The following ZPLD1 variants were observed in gnomAD, a reference collection of about 807,000 sequenced individuals.
The protein encoded by ZPLD1 is zona pellucida like domain containing 1.
ZPLD1 carries 34 observed loss-of-function variants against 47.2 expected under a neutral mutation model. The observed-to-expected ratio is 0.72, with a 90% CI of 0.55 to 0.96. The LOEUF is 0.96. ZPLD1 is among the 40% of genes least tolerant of loss of function. ZPLD1 has a pLI of 0.00. For synonymous variants in ZPLD1, 176 were observed against 186.2 expected (o/e 0.95, Z 0.45); for missense variants, 512 against 505.8 (o/e 1.01, Z -0.12).
At chr3:102,421,847 T>C (rs1290957421) in intron 8 of ZPLD1, among the ~76,000 whole-genome samples, 2 of 151,890 alleles carry the variant, frequency 1.3e-5, no homozygotes, top group Non-Finnish European at 2.9e-5. Context: ...ATTCAAGCAA[T>C]TTTTATTGTG....
At chr3:102,388,748 A>G (rs369411681) in intron 6 of ZPLD1, among the ~76,000 whole-genome samples, 1 of 152,130 alleles carries the variant, frequency 6.6e-6, no homozygotes, top group Non-Finnish European at 1.5e-5. Flanking sequence ...TTTTAGAGCA[A>G]TTGGGCAGGC....
intron 6 of ZPLD1, among the ~76,000 whole-genome samples, chr3:102,460,424 A>G (rs1707488570): frequency 6.6e-6 from 1 of 151,982 alleles, no homozygotes. Context: ...TGTGATTTTC[A>G]TATATGCAGA....
At position 102,478,220 on chromosome 3, in the gene ZPLD1, T is replaced by G. The variant is rs1707787343; in HGVS notation, c.*602T>G. 5 of 152,224 alleles carry G rather than the reference T, an allele frequency of 3.3e-5. No individual in the cohort carries two copies. Among genetic ancestry groups the G allele is most frequent in the Admixed American group, 3.3e-4 (5 of 15,274 alleles). 9.4% of individuals were successfully genotyped at this position (152,224 alleles called of 1,614,324 possible). ...TATCTCTTAACCTGGGGCACCCTTT[T>G]GTGTAGAAGATAGTGAAAATAGTTG... On this transcript the variant is annotated 3_prime_UTR_variant, in exon 12 of 12. Transcript: ENST00000466937.
chr3:102,422,103 G>A (rs574779806), intron 8 of ZPLD1, among the ~76,000 whole-genome samples: 1 of 151,972 alleles, frequency 6.6e-6, no homozygotes, highest in Non-Finnish European at 1.5e-5. Context: ...ACATTTTGAT[G>A]ATATGGCACT....
At chr3:102,423,148 G>T (rs1388642960) in intron 8 of ZPLD1, among the ~76,000 whole-genome samples, 3 of 152,006 alleles carry the variant, frequency 2.0e-5, no homozygotes, top group African/African-American at 7.2e-5. Flanking sequence ...TTTTCATTGG[G>T]TTGACAAATG....
chr3:102,470,468 G>T lies in ZPLD1; in HGVS notation c.1008G>T (p.Ala336=), dbSNP rs561361102. ...GCCCCCAGAGCTCTTCTGGCAGCGC[G>T]GTGCTCTCTGCTGGTCCCATCATTA... ...TWSPQSSSGS[A]VLSAGPIITR... Residue 336 remains alanine (A), a synonymous_variant, in exon 10 of 12, where the codon GCG becomes GCT. Transcript: ENST00000466937. 2 of 1,614,006 alleles carry T rather than the reference G, an allele frequency of 1.2e-6. No homozygotes were observed. Among genetic ancestry groups the T allele is most frequent in the Non-Finnish European group, 1.7e-6 (2 of 1,179,996 alleles).
intron 8 of ZPLD1, among the ~76,000 whole-genome samples, chr3:102,424,915 A>T (rs1004458077): frequency 5.9e-5 from 9 of 151,938 alleles, no homozygotes; most frequent in African/African-American, 2.2e-4. Context: ...ATCTAAACCC[A>T]TGATTTTCAG....
At chr3:102,410,069 T>G (rs913183188) in intron 7 of ZPLD1, among the ~76,000 whole-genome samples, 1 of 151,850 alleles carries the variant, frequency 6.6e-6, no homozygotes, top group Non-Finnish European at 1.5e-5. Flanking sequence ...AGTAATAGTT[T>G]TAGTGTTTTA....
chr3:102,416,601 A>C (rs936712927), intron 7 of ZPLD1, among the ~76,000 whole-genome samples: 79 of 152,058 alleles, frequency 5.2e-4, no homozygotes, highest in African/African-American at 1.7e-3. Context: ...GACCTAAAAA[A>C]AGTTTATCAT....
In ZPLD1 at chr3:102,477,689, G is replaced by T. The variant is rs773684594; in HGVS notation, c.*71G>T. ...TATGTGTGACTGCAGTCAGTGTTCC[G>T]TCTGAATTTCATGTCAGTCCACATT... On this transcript the variant is annotated 3_prime_UTR_variant, in exon 12 of 12. Coordinates refer to ENST00000466937, the MANE Select transcript of ZPLD1 (RefSeq NM_001329788.2). 148 of 1,375,256 alleles carry T rather than the reference G, an allele frequency of 1.1e-4. No homozygotes were observed. The highest frequency in any genetic ancestry group is 1.4e-4 in the Non-Finnish European group (145 of 1,018,040). 85.2% of individuals were successfully genotyped at this position (1,375,256 alleles called of 1,614,324 possible).
chr3:102,388,727 T>A (rs1025378936), intron 6 of ZPLD1, among the ~76,000 whole-genome samples: 6 of 152,184 alleles, frequency 3.9e-5, no homozygotes, highest in African/African-American at 1.4e-4. Context: ...CAGTGGTTTT[T>A]GATAGGTTTA....
At position 102,464,164 on chromosome 3, in the gene ZPLD1, C is replaced by G. The variant is rs766408722; in HGVS notation, c.681-7C>G. ...ACTCTAGATTATGTTTGCTTACATTCTTTCAGATGGAATGTTTTAATGGAT... is the reference window on the plus strand; with the variant it reads ...ACTCTAGATTATGTTTGCTTACATTGTTTCAGATGGAATGTTTTAATGGAT... On this transcript the variant is annotated splice_polypyrimidine_tract_variant and splice_region_variant and intron_variant, in intron 7 of 11. Transcript: ENST00000466937. The G allele has an allele frequency of 1.9e-6, 3 of 1,603,500 alleles. No individual in the cohort carries two copies. The Admixed American group carries it at 5.0e-5, about 27-fold the overall frequency.
At chr3:102,461,444 C>G (rs1707505858) in intron 6 of ZPLD1, among the ~76,000 whole-genome samples, 2 of 151,860 alleles carry the variant, frequency 1.3e-5, no homozygotes, top group Admixed American at 6.6e-5. Context: ...CAAATAAGCT[C>G]TCTAGAACTG....
rs530173937 is a variant in ZPLD1, at chr3:102,443,821, C to T, written c.106+5228C>T. Among the ~76,000 whole-genome samples, 3 of 152,276 alleles carry T rather than the reference C, an allele frequency of 2.0e-5. No individual in the cohort carries two copies. The East Asian group carries it at 5.8e-4, about 29-fold the overall frequency. On this transcript the variant is annotated intron_variant, in intron 3 of 11. Transcript: ENST00000466937. ...AGAGAGGTTAGTGGAATAGTTATCC[C>T]AGGGAATATGTTCTGGTTCTCTGTA...
At chr3:102,413,784 A>C (rs1217992690) in intron 7 of ZPLD1, among the ~76,000 whole-genome samples, 1 of 151,854 alleles carries the variant, frequency 6.6e-6, no homozygotes, top group South Asian at 2.1e-4. Context: ...CTGGAAGCTC[A>C]AAGGTTTAAT....
At chr3:102,442,388 T>A (rs1707194365) in intron 3 of ZPLD1, among the ~76,000 whole-genome samples, 1 of 151,254 alleles carries the variant, frequency 6.6e-6, no homozygotes, top group African/African-American at 2.4e-5. Context: ...AATTTGTATT[T>A]AAAAAACACT....
chr3:102,474,409 T>G (rs1707727819), intron 10 of ZPLD1, among the ~76,000 whole-genome samples: 1 of 152,162 alleles, frequency 6.6e-6, no homozygotes, highest in East Asian at 1.9e-4. Context: ...TTGTCCCTTC[T>G]TGGGACTGGC....
At chr3:102,401,925 G>T (rs1297236420) in intron 7 of ZPLD1, among the ~76,000 whole-genome samples, 1 of 152,042 alleles carries the variant, frequency 6.6e-6, no homozygotes, top group Admixed American at 6.6e-5. Context: ...TCAATGGTTA[G>T]ATCTTTTAAA....
At chr3:102,456,485 A>G in intron 5 of ZPLD1, 111 bp downstream of exon 5, 1 of 933,996 alleles carries the variant, frequency 1.1e-6, no homozygotes, top group East Asian at 2.4e-5. Flanking sequence ...AGTTAAATTC[A>G]AACAATGTAA....
Sources: gnomAD v4.1 joint callset for allele counts (sites outside exome capture counted in the v4.1 genomes callset) on GRCh38, gnomAD v4.1.1 for gene constraint, MANE v1.5 for transcripts, NCBI Gene and HGNC (gene_info 2026-07-23, HGNC 2026-07-21) for gene names.